Variants in PYHIN1 observed in about 807,000 individuals in gnomAD.
PYHIN1 encodes the protein pyrin and HIN domain family member 1, also known as pyrin and HIN domain-containing protein 1.
In PYHIN1, 32 loss-of-function variants were observed where a neutral mutation model predicts 43.7. That is an observed-to-expected ratio of 0.73 (90% CI 0.55 to 0.98). The LOEUF is 0.98. PYHIN1 is among the 50% of genes least tolerant of loss of function. The pLI, the probability that PYHIN1 is intolerant of heterozygous loss-of-function variation, is 0.00. For synonymous variants in PYHIN1, 205 were observed against 203.1 expected (o/e 1.01, Z -0.08); for missense variants, 588 against 589.5 (o/e 1.00, Z 0.03).
chr1:158,976,371 T>C (rs1045643692), intron 8 of PYHIN1, among the ~76,000 whole-genome samples: 1 of 152,090 alleles, frequency 6.6e-6, no homozygotes, highest in African/African-American at 2.4e-5. Flanking sequence ...CCTACCTTTC[T>C]GCCCAATGAG....
intron 4 of PYHIN1, chr1:158,939,552 T>C (rs1367319714): frequency 6.5e-7 from 1 of 1,539,368 alleles, no homozygotes; most frequent in Non-Finnish European, 8.8e-7. Flanking sequence ...CCATTCCCTT[T>C]GCTCACTAAT....
At chr1:158,950,867 G>A (rs1193301928) in intron 7 of PYHIN1, among the ~76,000 whole-genome samples, 1 of 152,152 alleles carries the variant, frequency 6.6e-6, no homozygotes, top group African/African-American at 2.4e-5. Flanking sequence ...TTGTGAGCTG[G>A]CATAAGCTGG....
At chr1:158,936,601 T>G (rs546229543) in intron 1 of PYHIN1, among the ~76,000 whole-genome samples, 12 of 152,138 alleles carry the variant, frequency 7.9e-5, no homozygotes, top group African/African-American at 2.7e-4. Context: ...AAAACCAAAT[T>G]ATTATCTCAA....
Position 158,952,681 on chromosome 1 carries a change from G to A in PYHIN1, c.1359+7639G>A, listed in dbSNP as rs978996183. Among the ~76,000 whole-genome samples the A allele has an allele frequency of 3.3e-5, 5 of 152,166 alleles. No homozygotes were observed. The East Asian group carries it at 5.8e-4, about 18-fold the overall frequency. ...AGCCGCTCTAACTAAAGCCCATAGC[G>A]TTAGGGCTGTTACTGGGACCCATTG... On this transcript the variant is annotated intron_variant, in intron 7 of 8. Transcript: ENST00000368140.
the PYHIN1 span, among the ~76,000 whole-genome samples, chr1:158,986,325 G>A: frequency 6.6e-6 from 1 of 152,150 alleles, no homozygotes; most frequent in South Asian, 2.1e-4. Flanking sequence ...TGTGCTATAA[G>A]TTGGGTTTAG....
intron 4 of PYHIN1, chr1:158,939,899 C>A (rs1648808382): frequency 5.1e-6 from 1 of 194,912 alleles, no homozygotes; most frequent in Non-Finnish European, 1.0e-5. Context: ...TCAGTGTCTG[C>A]CTCATGGGAA....
At chr1:158,931,872 A>C (rs1001210024) in intron 1 of PYHIN1, 96 bp downstream of exon 1, 4 of 152,186 alleles carry the variant, frequency 2.6e-5, no homozygotes, top group Non-Finnish European at 5.9e-5. Flanking sequence ...TCTTCAGGGC[A>C]GTGGGGTGAG....
At chr1:158,953,851 G>GA (rs1428253965) in intron 7 of PYHIN1, among the ~76,000 whole-genome samples, 5 of 149,746 alleles carry the variant, frequency 3.3e-5, no homozygotes, top group South Asian at 4.2e-4. Flanking sequence ...TGAAAACTTT[G>GA]AAAAAAAATT....
intron 7 of PYHIN1, among the ~76,000 whole-genome samples, chr1:158,954,746 T>C (rs1649809973): frequency 1.3e-5 from 2 of 149,988 alleles, no homozygotes; most frequent in African/African-American, 4.9e-5. Flanking sequence ...AATTCATACA[T>C]AACAATATTA....
At chr1:158,951,618 A>C (rs1249901231) in intron 7 of PYHIN1, among the ~76,000 whole-genome samples, 10 of 152,208 alleles carry the variant, frequency 6.6e-5, no homozygotes, top group Non-Finnish European at 2.9e-5. Context: ...AACAGTGTTA[A>C]AGCATTAGGT....
At chr1:158,985,059 G>A in the PYHIN1 span, among the ~76,000 whole-genome samples, 93 of 152,118 alleles carry the variant, frequency 6.1e-4, no homozygotes, top group Non-Finnish European at 1.1e-3. Flanking sequence ...TTACATGTAA[G>A]GTGGGTCTCT....
intron 7 of PYHIN1, among the ~76,000 whole-genome samples, chr1:158,948,961 C>T (rs922184415): frequency 6.6e-6 from 1 of 152,162 alleles, no homozygotes; most frequent in African/African-American, 2.4e-5. Context: ...ATGGAAATAT[C>T]AGTTCCCATA....
the PYHIN1 span, among the ~76,000 whole-genome samples, chr1:158,986,045 G>A: frequency 6.6e-6 from 1 of 152,050 alleles, no homozygotes; most frequent in African/African-American, 2.4e-5. Context: ...TTATCTTTAA[G>A]CTTTTGTATT....
At chr1:158,967,717 A>G (rs1650704642) in intron 7 of PYHIN1, among the ~76,000 whole-genome samples, 1 of 152,190 alleles carries the variant, frequency 6.6e-6, no homozygotes, top group African/African-American at 2.4e-5. Context: ...CAGTAACCAA[A>G]AGAGCATAGT....
At chr1:158,973,848 C>T (rs957705148) in intron 8 of PYHIN1, 77 bp downstream of exon 8, 18 of 1,452,434 alleles carry the variant, frequency 1.2e-5, no homozygotes, top group East Asian at 2.3e-5. Context: ...AAGGGATTCT[C>T]ATTTAAATTC....
At chr1:158,989,054 G>A in the PYHIN1 span, among the ~76,000 whole-genome samples, 1 of 152,118 alleles carries the variant, frequency 6.6e-6, no homozygotes, top group African/African-American at 2.4e-5. Flanking sequence ...TTTGGGACCT[G>A]TATCCCTTTT....
Position 158,938,535 on chromosome 1 carries a change from G to A in PYHIN1, c.404G>A (p.Gly135Glu). The A allele has an allele frequency of 6.2e-7, 1 of 1,614,082 alleles. No individual in the cohort carries two copies. Among genetic ancestry groups the A allele is most frequent in the Non-Finnish European group, 8.5e-7 (1 of 1,179,992 alleles). Residue 135 changes from glycine (G) to glutamate (E), a missense_variant, in exon 3 of 9, where the codon GGA becomes GAA. By Grantham distance (98) the Gly-to-Glu change is moderately conservative (BLOSUM62 -2). Transcript: ENST00000368140. ...GCTAAAGGAGCAGAGGAGACTCTTG[G>A]ACCTCAGGTAAGCTTCAGGAAGAGG... The part of the protein sequence containing the change: ...LTAKGAEETL[G>E]PQKRKKPSEE...
intron 7 of PYHIN1, among the ~76,000 whole-genome samples, chr1:158,967,443 G>A (rs535998864): frequency 6.6e-6 from 1 of 151,532 alleles, no homozygotes; most frequent in Non-Finnish European, 1.5e-5. Context: ...AAGAAATGAA[G>A]GAACACAAAC....
chr1:158,951,214 G>A (rs1280356354), intron 7 of PYHIN1, among the ~76,000 whole-genome samples: 4 of 152,104 alleles, frequency 2.6e-5, no homozygotes, highest in Admixed American at 2.6e-4. Context: ...AAAAATTGAT[G>A]CCATTAGGTG....
Sources: allele counts gnomAD v4.1 joint callset (sites outside exome capture counted in the v4.1 genomes callset), GRCh38; gene constraint gnomAD v4.1.1; transcripts MANE v1.5; gene names NCBI Gene and HGNC (gene_info 2026-07-23, HGNC 2026-07-21).